Variants in MYO6 observed in about 807,000 individuals in gnomAD.
The protein encoded by MYO6 is myosin VI, also known as unconventional myosin-VI.
MYO6 carries 74 observed loss-of-function variants against 178.7 expected under a neutral mutation model. The observed-to-expected ratio is 0.41, with a 90% confidence interval of 0.34 to 0.50. MYO6 has a LOEUF of 0.50. Among genes scored for constraint, MYO6 ranks in the 20% least tolerant of loss-of-function variants. The pLI is 0.09. For synonymous variants in MYO6, 477 were observed against 504.6 expected, an observed-to-expected ratio of 0.95 and a Z score of 0.73; for missense variants, 1,330 against 1,547.4, an observed-to-expected ratio of 0.86 and a Z score of 2.36.
At chr6:75,800,072 T>C (rs1241165700) in intron 1 of MYO6, among the ~76,000 whole-genome samples, 2 of 152,218 alleles carry the variant, frequency 1.3e-5, no homozygotes, top group Non-Finnish European at 2.9e-5. Context: ...ATTTTTTTTC[T>C]GGTGCTATGC....
Position 75,851,990 on chromosome 6 carries a change from CAG to C in MYO6, c.1079-3147_1079-3146del, listed in dbSNP as rs567738980. Among the ~76,000 whole-genome samples, 811 of 152,100 alleles carry C rather than the reference CAG, an allele frequency of 5.3e-3. 13 individuals are homozygous for C. Among genetic ancestry groups the C allele is most frequent in the African/African-American group, 0.019 (779 of 41,498 alleles). ...CCTATGTTTTTAAAATTCCACATAA[CAG>C]ATAAAATGTTATTATAAGAAACTTT... On this transcript the variant is annotated intron_variant, in intron 11 of 34. Coordinates refer to ENST00000369977, the MANE Select transcript of MYO6 (RefSeq NM_004999.4).
intron 20 of MYO6, among the ~76,000 whole-genome samples, chr6:75,875,017 T>C (rs1447244603): frequency 6.6e-6 from 1 of 152,226 alleles, no homozygotes; most frequent in Admixed American, 6.5e-5. Flanking sequence ...TGCTTTTCTT[T>C]TGAATTCTCT....
intron 1 of MYO6, among the ~76,000 whole-genome samples, chr6:75,778,716 G>A (rs768822717): frequency 2.6e-5 from 4 of 151,468 alleles, no homozygotes; most frequent in Admixed American, 6.6e-5. Flanking sequence ...TGCCATTTGA[G>A]TTTGTTTGCT....
chr6:75,821,658 C>G (rs939905970), intron 2 of MYO6, among the ~76,000 whole-genome samples: 10 of 151,992 alleles, frequency 6.6e-5, no homozygotes, highest in Non-Finnish European at 1.3e-4. Flanking sequence ...CACACACACC[C>G]CTATAAATAT....
chr6:75,765,067 AT>A (rs1213974049), intron 1 of MYO6, among the ~76,000 whole-genome samples: 2 of 151,640 alleles, frequency 1.3e-5, no homozygotes, highest in African/African-American at 4.8e-5. Flanking sequence ...CTGAAAGTTA[AT>A]TCATAAGTCT....
In MYO6 at chr6:75,881,759, A is replaced by G. The variant is rs780037124; in HGVS notation, c.2357A>G (p.His786Arg). 18 of 1,613,948 alleles carry G rather than the reference A, an allele frequency of 1.1e-5. 1 individual carries two copies. In the African/African-American group the frequency reaches 2.4e-4, roughly 22 times the overall value. ...GCAGAGTTGGTTAAAAGAGTCAATC[A>G]CTGGCTCACATGCAGTCGCTGGAAG... Reference protein sequence around the residue: ...HLAELVKRVNHWLTCSRWKKV... With the variant: ...HLAELVKRVNRWLTCSRWKKV... The change falls in exon 23 of 35, where the codon CAC becomes CGC. Residue 786 changes from histidine (H) to arginine (R), a missense_variant. Coordinates refer to ENST00000369977, the MANE Select transcript of MYO6 (RefSeq NM_004999.4).
intron 27 of MYO6, 87 bp from the exon 28 acceptor site, chr6:75,892,443 T>A: frequency 6.4e-7 from 1 of 1,563,212 alleles, no homozygotes; most frequent in East Asian, 2.2e-5. Context: ...GGGGCAGTTA[T>A]GCTTTCCCTT....
At position 75,916,904 on chromosome 6, in the gene MYO6, A is replaced by T. The variant is rs531001888; in HGVS notation, c.*1892A>T. On this transcript the variant is annotated 3_prime_UTR_variant, in exon 35 of 35. Transcript: ENST00000369977. ...TAAGTCCTTAGTTTTTGACTCTAATAGTTAATACAATTATAGTTAATCTTA... is the reference window on the plus strand; with the variant it reads ...TAAGTCCTTAGTTTTTGACTCTAATTGTTAATACAATTATAGTTAATCTTA... The T allele has an allele frequency of 1.3e-5, 2 of 152,230 alleles. No homozygotes were observed. Among genetic ancestry groups the T allele is most frequent in the Non-Finnish European group, 2.9e-5 (2 of 68,048 alleles). 9.4% of individuals were successfully genotyped at this position (152,230 alleles called of 1,614,324 possible). A position where few individuals can be genotyped will look rare whatever the true frequency, so the allele number is the denominator to read the frequency against.
At chr6:75,908,672 A>T (rs1308169593) in intron 32 of MYO6, 45 bp downstream of exon 32, 3 of 1,583,998 alleles carry the variant, frequency 1.9e-6, no homozygotes. Flanking sequence ...ATATATGTAT[A>T]TAAATGCATG....
At chr6:75,905,012 G>A (rs1780159895) in intron 30 of MYO6, among the ~76,000 whole-genome samples, 1 of 152,278 alleles carries the variant, frequency 6.6e-6, no homozygotes, top group African/African-American at 2.4e-5. Flanking sequence ...TGCCCCTGCT[G>A]GGGGTGCCTC....
chr6:75,819,563 TAGTA>T (rs904463171), intron 2 of MYO6, among the ~76,000 whole-genome samples: 3 of 152,196 alleles, frequency 2.0e-5, no homozygotes, highest in Non-Finnish European at 2.9e-5. Flanking sequence ...TTGTGACCCA[TAGTA>T]AAATAGATTT....
rs1005887068 is a variant in MYO6, at chr6:75,919,127, A to AT, written c.*4115_*4116insT. 2 of 151,576 alleles carry AT rather than the reference A, an allele frequency of 1.3e-5. No individual in the cohort carries two copies. Among genetic ancestry groups the AT allele is most frequent in the Admixed American group, 1.3e-4 (2 of 15,212 alleles). The allele number at this position is 151,576 out of a possible 1,614,324, so 9.4% of individuals were successfully genotyped here. A position where few individuals can be genotyped will look rare whatever the true frequency, so the allele number is the denominator to read the frequency against. ...AGAGCGAAATTCCATCTCAAAAAAT[A>AT]AAATAGATTTAGGGGGTACAAGTGC... On this transcript the variant is annotated 3_prime_UTR_variant, in exon 35 of 35. Coordinates refer to ENST00000369977, the MANE Select transcript of MYO6 (RefSeq NM_004999.4).
intron 33 of MYO6, 99 bp from the exon 34 acceptor site, chr6:75,913,964 T>G (rs936123345): frequency 1.5e-5 from 15 of 1,026,182 alleles, no homozygotes; most frequent in Non-Finnish European, 1.6e-5. Context: ...TTAGGGACCT[T>G]TCTTCTTTTT....
chr6:75,884,525 C>T (rs183679128), intron 23 of MYO6, among the ~76,000 whole-genome samples: 1 of 152,260 alleles, frequency 6.6e-6, no homozygotes, highest in Middle Eastern at 3.4e-3. Flanking sequence ...GCCCACTACC[C>T]AGACAGAGCT....
chr6:75,830,933 C>T (rs898737460), intron 5 of MYO6, among the ~76,000 whole-genome samples: 3 of 152,174 alleles, frequency 2.0e-5, no homozygotes, highest in African/African-American at 7.2e-5. Context: ...ATCTCTTACC[C>T]AGCTCATCCC....
intron 2 of MYO6, among the ~76,000 whole-genome samples, chr6:75,818,163 AATAG>A (rs935595279): frequency 2.7e-4 from 41 of 152,324 alleles, no homozygotes; most frequent in African/African-American, 7.5e-4. Flanking sequence ...TCATTTTTGT[AATAG>A]ATGCTTTAAT....
intron 11 of MYO6, among the ~76,000 whole-genome samples, chr6:75,849,968 T>C (rs1055585431): frequency 6.6e-6 from 1 of 152,036 alleles, no homozygotes; most frequent in Non-Finnish European, 1.5e-5. Context: ...GCATTTAACA[T>C]TTCTTTTAGT....
chr6:75,817,797 C>G, intron 2 of MYO6, 133 bp downstream of exon 2: 2 of 800,400 alleles, frequency 2.5e-6, no homozygotes, highest in Non-Finnish European at 4.2e-6. Context: ...AGTCTGTTTT[C>G]TCCTGACTTC....
chr6:75,905,501 C>A (rs553338103), intron 30 of MYO6, among the ~76,000 whole-genome samples: 48 of 152,368 alleles, frequency 3.2e-4, no homozygotes, highest in Non-Finnish European at 5.1e-4. Context: ...TCTGTCACCC[C>A]TTTCTTTGAC....
Sources: allele counts gnomAD v4.1 joint callset (sites outside exome capture counted in the v4.1 genomes callset), GRCh38; gene constraint gnomAD v4.1.1; transcripts MANE v1.5; gene names NCBI Gene and HGNC (gene_info 2026-07-23, HGNC 2026-07-21).